Variants in IMMP2L observed in about 807,000 individuals in gnomAD.
The protein encoded by IMMP2L is mitochondrial inner membrane protease subunit 2.
IMMP2L carries 18 observed loss-of-function variants against 19.3 expected under a neutral mutation model. The observed-to-expected ratio is 0.93, with a 90% CI of 0.64 to 1.38. The LOEUF is 1.38. Among genes scored for constraint, IMMP2L ranks in the 40% most tolerant of loss-of-function variants. The probability of loss-of-function intolerance (pLI) is 0.00; values close to 1 mark genes in which losing one functional copy is unlikely to be tolerated. For synonymous variants in IMMP2L, 76 were observed against 73.0 expected (o/e 1.04, Z -0.21); for missense variants, 233 against 218.2 (o/e 1.07, Z -0.43).
At chr7:111,428,808 T>C (rs943211517) in intron 3 of IMMP2L, among the ~76,000 whole-genome samples, 4 of 151,886 alleles carry the variant, frequency 2.6e-5, no homozygotes, top group Non-Finnish European at 5.9e-5. Context: ...AATATGTACA[T>C]ACTCTCTACT....
At chr7:111,199,536 T>C (rs111701613) in intron 3 of IMMP2L, among the ~76,000 whole-genome samples, 2,369 of 152,268 alleles carry the variant, frequency 0.016, 63 homozygotes, top group African/African-American at 0.052. Context: ...CCAATGGTAA[T>C]CACTAAAGTT....
At chr7:111,372,076 C>A (rs1431080165) in intron 3 of IMMP2L, among the ~76,000 whole-genome samples, 2 of 151,932 alleles carry the variant, frequency 1.3e-5, no homozygotes, top group African/African-American at 2.4e-5. Flanking sequence ...CAGGATTACA[C>A]AACTGCCAGT....
intron 3 of IMMP2L, among the ~76,000 whole-genome samples, chr7:111,340,517 T>C (rs1826904184): frequency 6.6e-6 from 1 of 151,998 alleles, no homozygotes; most frequent in African/African-American, 2.4e-5. Context: ...ATATAGAACA[T>C]AATAGAACCA....
intron 3 of IMMP2L, among the ~76,000 whole-genome samples, chr7:111,044,603 C>A (rs77133277): frequency 1.5e-4 from 23 of 152,172 alleles, no homozygotes; most frequent in Non-Finnish European, 2.8e-4. Flanking sequence ...CACTATAATT[C>A]TGGATATCTT....
chr7:111,295,985 T>TAA (rs3052106), intron 3 of IMMP2L, among the ~76,000 whole-genome samples: 10 of 136,314 alleles, frequency 7.3e-5, no homozygotes, highest in Non-Finnish European at 1.6e-4. Context: ...GAAAGAATGT[T>TAA]AAAAAAAAAA....
At chr7:111,465,993 C>T (rs1431640021) in intron 3 of IMMP2L, among the ~76,000 whole-genome samples, 1 of 152,040 alleles carries the variant, frequency 6.6e-6, no homozygotes, top group East Asian at 1.9e-4. Context: ...TACTATGCAG[C>T]CATAAAAATG....
chr7:110,930,043 T>C lies in IMMP2L; in HGVS notation c.305+33457A>G, dbSNP rs74971179. Among the ~76,000 whole-genome samples the C allele has an allele frequency of 3.4e-4, 52 of 152,280 alleles. No homozygotes were observed. The East Asian group carries it at 9.1e-3, about 27-fold the overall frequency. On this transcript the variant is annotated intron_variant, in intron 4 of 5. Transcript: ENST00000405709. ...CAGGAGAAGTAATCAGTTCTGAGGC[T>C]AATGAGTATACTGTGCTTAATCATT...
At chr7:111,075,689 C>A (rs1795341833) in intron 3 of IMMP2L, among the ~76,000 whole-genome samples, 1 of 152,006 alleles carries the variant, frequency 6.6e-6, no homozygotes, top group Non-Finnish European at 1.5e-5. Context: ...TAATAGAGTG[C>A]CCGAGGTCAG....
intron 3 of IMMP2L, among the ~76,000 whole-genome samples, chr7:111,109,864 G>A (rs550792129): frequency 2.0e-5 from 3 of 152,150 alleles, no homozygotes; most frequent in Non-Finnish European, 4.4e-5. Flanking sequence ...GGCTGGGCGC[G>A]GTGGCTCATG....
intron 3 of IMMP2L, among the ~76,000 whole-genome samples, chr7:111,263,761 T>C (rs1366737074): frequency 6.6e-6 from 1 of 152,066 alleles, no homozygotes; most frequent in Non-Finnish European, 1.5e-5. Context: ...TAAGCAAAGA[T>C]GACTGAGTAG....
At chr7:110,892,031 G>A (rs799638) in intron 4 of IMMP2L, among the ~76,000 whole-genome samples, 2,041 of 152,090 alleles carry the variant, frequency 0.013, 38 homozygotes, top group African/African-American at 0.046. Flanking sequence ...CCCAAAATAC[G>A]GCACTTTGAT....
At chr7:111,214,175 C>T (rs1811636556) in intron 3 of IMMP2L, among the ~76,000 whole-genome samples, 1 of 152,018 alleles carries the variant, frequency 6.6e-6, no homozygotes. Flanking sequence ...TTTAGAAAAT[C>T]TGTGTGAAAC....
chr7:111,207,638 C>T (rs746689460), intron 3 of IMMP2L, among the ~76,000 whole-genome samples: 25 of 146,822 alleles, frequency 1.7e-4, no homozygotes, highest in Non-Finnish European at 3.1e-4. Context: ...CGGGTTCAAG[C>T]GATTCTACTG....
intron 4 of IMMP2L, among the ~76,000 whole-genome samples, chr7:110,937,570 T>A (rs1816259148): frequency 6.6e-6 from 1 of 152,164 alleles, no homozygotes; most frequent in South Asian, 2.1e-4. Flanking sequence ...CAAAATTGCT[T>A]ATATTTCATG....
At chr7:111,446,459 C>T (rs1194408918) in intron 3 of IMMP2L, among the ~76,000 whole-genome samples, 1 of 149,822 alleles carries the variant, frequency 6.7e-6, no homozygotes, top group African/African-American at 2.5e-5. Flanking sequence ...TGACACCTCA[C>T]ACGGCAGGGT....
At chr7:111,533,311 CTA>C (rs1284714900) in intron 1 of IMMP2L, among the ~76,000 whole-genome samples, 1 of 152,098 alleles carries the variant, frequency 6.6e-6, no homozygotes, top group Non-Finnish European at 1.5e-5. Context: ...GCATACTTGC[CTA>C]TAAATTGGAA....
intron 5 of IMMP2L, among the ~76,000 whole-genome samples, chr7:110,812,682 G>A (rs1257353820): frequency 1.3e-5 from 2 of 152,022 alleles, no homozygotes; most frequent in South Asian, 2.1e-4. Context: ...GATGGAGGCT[G>A]GGGTAAATGA....
At chr7:110,744,608 G>A (rs1334988019) in intron 5 of IMMP2L, among the ~76,000 whole-genome samples, 1 of 152,310 alleles carries the variant, frequency 6.6e-6, no homozygotes, top group Middle Eastern at 3.4e-3. Flanking sequence ...AGGCAAACAG[G>A]GTCTGGAGTG....
chr7:111,299,619 A>G (rs942981427), intron 3 of IMMP2L, among the ~76,000 whole-genome samples: 2 of 151,992 alleles, frequency 1.3e-5, no homozygotes, highest in African/African-American at 4.8e-5. Flanking sequence ...CTTAAAAAGG[A>G]CACAAAGTGG....
Sources: allele counts gnomAD v4.1 joint callset (sites outside exome capture counted in the v4.1 genomes callset), GRCh38; gene constraint gnomAD v4.1.1; transcripts MANE v1.5; gene names NCBI Gene and HGNC (gene_info 2026-07-23, HGNC 2026-07-21).